The following MOV10L1 variants were observed in gnomAD, a reference collection of about 807,000 sequenced individuals.
MOV10L1 encodes the protein Mov10 like RNA helicase 1.
In MOV10L1, 110 loss-of-function variants were observed where a neutral mutation model predicts 143.8. The observed-to-expected ratio is 0.76, with a 90% CI of 0.66 to 0.90. MOV10L1 has a LOEUF of 0.90. MOV10L1 is among the 40% of genes least tolerant of loss of function. The pLI is 0.00. For missense variants in MOV10L1, 1,406 were observed against 1,526.8 expected (o/e 0.92, Z 1.32); for synonymous variants, 593 against 581.1 (o/e 1.02, Z -0.29).
chr22:50,146,055 C>A (rs952425035), intron 19 of MOV10L1, among the ~76,000 whole-genome samples: 1 of 152,170 alleles, frequency 6.6e-6, no homozygotes, highest in African/African-American at 2.4e-5. Flanking sequence ...CATGCAGAGG[C>A]CCCGCGGTGG....
chr22:50,094,777 T>A (rs2062546508), intron 2 of MOV10L1: 1 of 152,302 alleles, frequency 6.6e-6, no homozygotes, highest in Middle Eastern at 3.4e-3. Context: ...TGTACTTTAT[T>A]ATACTATTAT....
chr22:50,147,165 G>A (rs748157673), intron 19 of MOV10L1: 8 of 1,584,904 alleles, frequency 5.0e-6, no homozygotes, highest in Non-Finnish European at 6.9e-6. Flanking sequence ...GGGAGGAGGT[G>A]GCCGGCCAGG....
intron 1 of MOV10L1, chr22:50,090,602 C>T: frequency 1.3e-6 from 2 of 1,496,462 alleles, no homozygotes; most frequent in South Asian, 1.2e-5. Flanking sequence ...ATTTCCTTGT[C>T]TGGTTTTCAA....
chr22:50,090,696 G>T, intron 1 of MOV10L1: 1 of 760,198 alleles, frequency 1.3e-6, no homozygotes. Context: ...GTGTGTGTGA[G>T]ACGGAGTTTC....
At chr22:50,131,933 G>A (rs1421275587) in intron 13 of MOV10L1, among the ~76,000 whole-genome samples, 1 of 152,190 alleles carries the variant, frequency 6.6e-6, no homozygotes, top group Non-Finnish European at 1.5e-5. Flanking sequence ...CTGGAGGTCA[G>A]GAAGCCCAAG....
chr22:50,150,774 A>AT lies in MOV10L1; in HGVS notation c.2769dup (p.Lys924Ter). Reference sequence around the variant, plus strand: ...AGACCCCATGCAGCTCGGCCCAGTCATTAAGTCCAGACTCGCCATGGCCTA... The same window carrying AT: ...AGACCCCATGCAGCTCGGCCCAGTCATTTAAGTCCAGACTCGCCATGGCCTA... On this transcript the variant is annotated frameshift_variant, in exon 21 of 27. Transcript: ENST00000262794. LOFTEE classifies it high-confidence loss of function. 2 of 1,614,150 alleles carry AT rather than the reference A, an allele frequency of 1.2e-6. No individual in the cohort carries two copies. Among genetic ancestry groups the AT allele is most frequent in the African/African-American group, 1.3e-5 (1 of 75,040 alleles).
chr22:50,149,405 G>C (rs2063235300), intron 19 of MOV10L1: 2 of 574,398 alleles, frequency 3.5e-6, no homozygotes, highest in South Asian at 4.1e-5. Context: ...TGCGTGCAAA[G>C]CACTGGGTGC....
At chr22:50,132,814 C>T (rs2062713350) in intron 13 of MOV10L1, among the ~76,000 whole-genome samples, 1 of 152,162 alleles carries the variant, frequency 6.6e-6, no homozygotes, top group African/African-American at 2.4e-5. Flanking sequence ...GCAGGCGGAT[C>T]ACCTGAGGTC....
chr22:50,094,109 G>A (rs2062525868), intron 2 of MOV10L1: 1 of 152,190 alleles, frequency 6.6e-6, no homozygotes, highest in Non-Finnish European at 1.5e-5. Context: ...TTCTGGATGA[G>A]TTTGGAATCT....
At chr22:50,116,363 C>T (rs1197379179) in intron 8 of MOV10L1, among the ~76,000 whole-genome samples, 2 of 150,600 alleles carry the variant, frequency 1.3e-5, no homozygotes, top group Non-Finnish European at 2.9e-5. Flanking sequence ...AGGAGAATGG[C>T]GTGAACCTGG....
At chr22:50,108,354 A>G (rs1391783908) in intron 4 of MOV10L1, 106 bp downstream of exon 4, 1 of 1,111,626 alleles carries the variant, frequency 9.0e-7, no homozygotes, top group African/African-American at 1.5e-5. Context: ...GCCTGGAAAA[A>G]TAAAGCTTTG....
At chr22:50,091,460 A>T (rs115230373) in intron 1 of MOV10L1, 1 of 159,048 alleles carries the variant, frequency 6.3e-6, no homozygotes, top group African/African-American at 2.4e-5. Context: ...GCTGCTGCTG[A>T]TGGTAATAAA....
At chr22:50,115,075 C>T (rs775081250) in intron 7 of MOV10L1, 39 bp from the exon 8 acceptor site, 2 of 1,542,964 alleles carry the variant, frequency 1.3e-6, no homozygotes, top group Non-Finnish European at 1.7e-6. Flanking sequence ...AGATAATTTA[C>T]CTTTTGGTCA....
At position 50,150,840 on chromosome 22, in the gene MOV10L1, C is replaced by G; in HGVS notation, c.2833C>G (p.Pro945Ala). ...CTTTTTGGAACGGCTGATGTCTCGA[C>G]CCGCGTACCAGAGGGACGAAAATGC... ...VSFLERLMSR[P>A]AYQRDENAFG... The change falls in exon 21 of 27, where the codon CCC becomes GCC. Residue 945 changes from proline to alanine, a missense_variant. Around this residue, in one of 3 missense-constraint regions of MOV10L1, gnomAD observed 1,233 missense variants for 1,351.4 expected, o/e 0.91. Transcript: ENST00000262794. 1 of 1,614,236 alleles carries G rather than the reference C, an allele frequency of 6.2e-7. No homozygotes were observed. The highest frequency in any genetic ancestry group is 1.1e-5 in the South Asian group (1 of 91,084).
chr22:50,133,482 A>G (rs988549440), intron 13 of MOV10L1, among the ~76,000 whole-genome samples: 6 of 147,718 alleles, frequency 4.1e-5, no homozygotes, highest in African/African-American at 1.2e-4. Flanking sequence ...GAAAGAAAGA[A>G]TGGGTGTGGG....
At chr22:50,092,837 G>A (rs1235720804) in intron 2 of MOV10L1, 6 of 152,202 alleles carry the variant, frequency 3.9e-5, no homozygotes, top group African/African-American at 1.4e-4. Flanking sequence ...CTTAGGAGCA[G>A]AATGAGAGAC....
intron 10 of MOV10L1, among the ~76,000 whole-genome samples, chr22:50,123,196 C>CAAAAAAAAAAA (rs71198219): frequency 9.9e-6 from 1 of 101,448 alleles, no homozygotes. Context: ...ACTCATGTCT[C>CAAAAAAAAAAA]AAAAAAAAAA....
At chr22:50,134,695 TA>T in intron 15 of MOV10L1, 65 bp downstream of exon 15, 7 of 1,421,546 alleles carry the variant, frequency 4.9e-6, no homozygotes, top group Non-Finnish European at 6.9e-6. Context: ...TGTCTTTACA[TA>T]GGGGGTGGCT....
At chr22:50,150,687 G>A in intron 20 of MOV10L1, 48 bp from the exon 21 acceptor site, 1 of 1,595,314 alleles carries the variant, frequency 6.3e-7, no homozygotes, top group East Asian at 2.3e-5. Context: ...CGTAGGAGTG[G>A]CAGCGGCACC....
Sources: gnomAD v4.1 joint callset for allele counts (sites outside exome capture counted in the v4.1 genomes callset) on GRCh38, gnomAD v4.1.1 for gene constraint, gnomAD v4.1.1 regional missense constraint, MANE v1.5 for transcripts, NCBI Gene and HGNC (gene_info 2026-07-23, HGNC 2026-07-21) for gene names.